Variants in HS6ST3 observed in about 807,000 individuals in gnomAD.
HS6ST3 encodes the protein heparan sulfate 6-O-sulfotransferase 3, also known as heparan-sulfate 6-O-sulfotransferase 3.
A neutral mutation model predicts 36.7 loss-of-function variants in HS6ST3; 12 were observed. The ratio of observed to expected loss-of-function variants is 0.33; its 90% CI spans 0.21 to 0.53. The LOEUF (loss-of-function observed/expected upper bound fraction) is 0.53, where lower values mean the gene tolerates loss of function less well. Ranked by LOEUF, HS6ST3 falls within the 20% of genes least tolerant of loss-of-function variation. HS6ST3 has a pLI of 0.95. For synonymous variants in HS6ST3, 240 were observed against 257.5 expected (o/e 0.93, Z 0.65); for missense variants, 584 against 640.9 (o/e 0.91, Z 0.96).
intron 1 of HS6ST3, among the ~76,000 whole-genome samples, chr13:96,623,886 C>G (rs2056503555): frequency 6.6e-6 from 1 of 152,168 alleles, no homozygotes; most frequent in Non-Finnish European, 1.5e-5. Context: ...TTCAATTCAA[C>G]AAGCGTTTAT....
At chr13:96,752,325 G>T (rs957931519) in intron 1 of HS6ST3, among the ~76,000 whole-genome samples, 3 of 151,760 alleles carry the variant, frequency 2.0e-5, no homozygotes, top group African/African-American at 7.3e-5. Context: ...ATGCATCACC[G>T]TGTAATGGGC....
At chr13:96,603,690 C>T (rs2056429317) in intron 1 of HS6ST3, among the ~76,000 whole-genome samples, 1 of 152,138 alleles carries the variant, frequency 6.6e-6, no homozygotes, top group Non-Finnish European at 1.5e-5. Context: ...GTAAATTGCT[C>T]TATATAGAAG....
At chr13:96,219,218 G>A (rs2054442635) in intron 1 of HS6ST3, among the ~76,000 whole-genome samples, 1 of 152,090 alleles carries the variant, frequency 6.6e-6, no homozygotes, top group African/African-American at 2.4e-5. Flanking sequence ...AATAAGAATT[G>A]TATATAATTA....
chr13:96,551,274 A>G (rs375579528), intron 1 of HS6ST3, among the ~76,000 whole-genome samples: 37 of 152,316 alleles, frequency 2.4e-4, no homozygotes, highest in African/African-American at 8.9e-4. Flanking sequence ...TACCTTTGAA[A>G]GTGACACCTT....
intron 1 of HS6ST3, among the ~76,000 whole-genome samples, chr13:96,456,127 C>T (rs147729595): frequency 5.9e-5 from 9 of 152,234 alleles, no homozygotes; most frequent in East Asian, 3.9e-4. Flanking sequence ...GAAGGACAAA[C>T]GTATTTCTTT....
At chr13:96,799,942 G>GTGTATATATATATATATATA (rs763253724) in intron 1 of HS6ST3, among the ~76,000 whole-genome samples, 2 of 93,968 alleles carry the variant, frequency 2.1e-5, no homozygotes, top group East Asian at 4.0e-4. Context: ...ATATATGTGT[G>GTGTATATATATATATATATA]TGTATATATA....
At chr13:96,242,225 T>C (rs2054564301) in intron 1 of HS6ST3, among the ~76,000 whole-genome samples, 1 of 151,696 alleles carries the variant, frequency 6.6e-6, no homozygotes, top group Non-Finnish European at 1.5e-5. Flanking sequence ...TGAGTCTTTT[T>C]TTTTTTCTTT....
At chr13:96,772,627 G>A (rs1877290740) in intron 1 of HS6ST3, among the ~76,000 whole-genome samples, 1 of 152,204 alleles carries the variant, frequency 6.6e-6, no homozygotes, top group Non-Finnish European at 1.5e-5. Context: ...GGGGCTAGAA[G>A]CATTCTTTGA....
chr13:96,567,669 T>G lies in HS6ST3; in HGVS notation c.708-264821T>G, dbSNP rs576044181. ...TCTGACTCCATAAAAATAAAAAACA[T>G]GATAAAAGTCACTAAAAATAAAGCT... is the stretch of plus-strand genomic sequence containing the variant. On this transcript the variant is annotated intron_variant, in intron 1 of 1. Coordinates refer to ENST00000376705, the MANE Select transcript of HS6ST3 (RefSeq NM_153456.4). 3.6e-4 allele frequency among the ~76,000 whole-genome samples: 55 copies of G among 152,178 alleles called. 1 individual carries two copies. Among genetic ancestry groups the G allele is most frequent in the Admixed American group, 6.5e-5 (1 of 15,286 alleles).
intron 1 of HS6ST3, among the ~76,000 whole-genome samples, chr13:96,615,621 G>T (rs2138991424): frequency 6.6e-6 from 1 of 152,346 alleles, no homozygotes; most frequent in Admixed American, 6.5e-5. Flanking sequence ...CTCTCTTCTA[G>T]TTTGAAGTTC....
At chr13:96,573,671 C>T (rs570425886) in intron 1 of HS6ST3, 2 of 288,948 alleles carry the variant, frequency 6.9e-6, no homozygotes, top group South Asian at 6.4e-5. Flanking sequence ...TGGCAGCAGG[C>T]TGTTGTGAGA....
At chr13:96,093,290 G>A (rs2053773903) in intron 1 of HS6ST3, among the ~76,000 whole-genome samples, 1 of 152,182 alleles carries the variant, frequency 6.6e-6, no homozygotes, top group Non-Finnish European at 1.5e-5. Context: ...AGGACTTAGA[G>A]GAGGATGTGG....
At chr13:96,707,355 T>TTGTA (rs1455954096) in intron 1 of HS6ST3, among the ~76,000 whole-genome samples, 1 of 152,116 alleles carries the variant, frequency 6.6e-6, no homozygotes, top group African/African-American at 2.4e-5. Context: ...GATCTCAGAC[T>TTGTA]TGTAGCCTTC....
intron 1 of HS6ST3, among the ~76,000 whole-genome samples, chr13:96,788,102 A>G (rs1267972466): frequency 6.6e-6 from 1 of 151,906 alleles, no homozygotes. Context: ...GTTATGTTTC[A>G]TTTCTATCCC....
chr13:96,550,698 G>T (rs906815760), intron 1 of HS6ST3, among the ~76,000 whole-genome samples: 1 of 151,810 alleles, frequency 6.6e-6, no homozygotes, highest in Non-Finnish European at 1.5e-5. Flanking sequence ...GCGTAATTAT[G>T]TATTGAGTGA....
At chr13:96,541,554 T>C (rs935724734) in intron 1 of HS6ST3, among the ~76,000 whole-genome samples, 1 of 152,146 alleles carries the variant, frequency 6.6e-6, no homozygotes, top group Non-Finnish European at 1.5e-5. Context: ...ACTAGCAAAA[T>C]TGAAATGACT....
At chr13:96,491,465 T>C (rs2055945028) in intron 1 of HS6ST3, among the ~76,000 whole-genome samples, 1 of 92,548 alleles carries the variant, frequency 1.1e-5, no homozygotes, top group Non-Finnish European at 2.2e-5. Context: ...ATTGTAGTAC[T>C]AATGTGCAAA....
intron 1 of HS6ST3, among the ~76,000 whole-genome samples, chr13:96,644,068 T>G (rs564508605): frequency 6.6e-6 from 1 of 152,068 alleles, no homozygotes; most frequent in East Asian, 1.9e-4. Context: ...ACCAGCATTT[T>G]CCACTGATGC....
intron 1 of HS6ST3, among the ~76,000 whole-genome samples, chr13:96,531,153 G>T (rs143432067): frequency 5.3e-5 from 8 of 152,044 alleles, no homozygotes; most frequent in African/African-American, 1.7e-4. Context: ...TCATCATTGT[G>T]CTAATAATTC....
Sources: gnomAD v4.1 joint callset for allele counts (sites outside exome capture counted in the v4.1 genomes callset) on GRCh38, gnomAD v4.1.1 for gene constraint, MANE v1.5 for transcripts, NCBI Gene and HGNC (gene_info 2026-07-23, HGNC 2026-07-21) for gene names.